Variants in GFPT2 observed in about 807,000 individuals in gnomAD.
The protein encoded by GFPT2 is glutamine--fructose-6-phosphate transaminase 2.
A neutral mutation model predicts 85.6 loss-of-function variants in GFPT2; 62 were observed. The observed-to-expected ratio is 0.72, with a 90% CI of 0.59 to 0.90. GFPT2 has a LOEUF of 0.90. GFPT2 is among the 40% of genes least tolerant of loss of function. GFPT2 has a pLI of 0.00. For missense variants in GFPT2, 788 were observed against 893.4 expected, an observed-to-expected ratio of 0.88 and a Z score of 1.50; for synonymous variants, 368 against 344.5, an observed-to-expected ratio of 1.07 and a Z score of -0.75.
intron 3 of GFPT2, 121 bp from the exon 4 acceptor site, chr5:180,336,074 G>T: frequency 1.1e-6 from 1 of 946,414 alleles, no homozygotes; most frequent in Non-Finnish European, 1.6e-6. Context: ...CTCCCCACCA[G>T]CTCCCACCCT....
chr5:180,316,485 A>G, intron 12 of GFPT2, 24 bp from the exon 13 acceptor site: 7 of 1,613,944 alleles, frequency 4.3e-6, no homozygotes, highest in Non-Finnish European at 5.1e-6. Flanking sequence ...GCAAGCATGG[A>G]GACTAAAGTC....
In GFPT2 at chr5:180,302,601, G is replaced by T; in HGVS notation, c.1843-17C>A. 6.3e-7 allele frequency: 1 copy of T among 1,599,906 alleles called. No individual in the cohort carries two copies. Among genetic ancestry groups the T allele is most frequent in the Non-Finnish European group, 8.6e-7 (1 of 1,169,026 alleles). On this transcript the variant is annotated splice_polypyrimidine_tract_variant and intron_variant, in intron 17 of 18. Coordinates refer to ENST00000253778, the MANE Select transcript of GFPT2 (RefSeq NM_005110.4). Reference sequence around the variant, plus strand: ...GGGGCGACCCTAGAGCAGAGAAATAGCATCATAAAATAGACCCTCTCTGAA... The same window carrying T: ...GGGGCGACCCTAGAGCAGAGAAATATCATCATAAAATAGACCCTCTCTGAA...
chr5:180,306,129 C>CGT (rs1208033241), intron 16 of GFPT2, among the ~76,000 whole-genome samples: 1 of 152,052 alleles, frequency 6.6e-6, no homozygotes, highest in Non-Finnish European at 1.5e-5. Context: ...GGATTACAGG[C>CGT]GTGCACCACC....
chr5:180,303,378 G>C (rs748098261), intron 17 of GFPT2, among the ~76,000 whole-genome samples: 13 of 152,234 alleles, frequency 8.5e-5, no homozygotes, highest in Admixed American at 5.2e-4. Context: ...ACAACCCTCG[G>C]CGGAGCATTC....
chr5:180,337,461 A>C (rs1415619347), intron 2 of GFPT2, among the ~76,000 whole-genome samples: 1 of 152,068 alleles, frequency 6.6e-6, no homozygotes, highest in South Asian at 2.1e-4. Flanking sequence ...TCGAAAAAAA[A>C]AAAAAAAGAA....
intron 4 of GFPT2, 124 bp downstream of exon 4, chr5:180,335,704 T>C (rs1764379424): frequency 2.9e-6 from 3 of 1,025,792 alleles, no homozygotes. Flanking sequence ...CGCATTCTCT[T>C]GGGAAGATGA....
chr5:180,338,645 C>T (rs887572158), intron 1 of GFPT2, 45 bp from the exon 2 acceptor site: 3 of 1,217,516 alleles, frequency 2.5e-6, no homozygotes, highest in African/African-American at 3.0e-5. Flanking sequence ...ATACTCAGCT[C>T]GTGTTTGGAA....
Position 180,330,558 on chromosome 5 carries a change from C to A in GFPT2, c.534+142G>T, listed in dbSNP as rs1764283726. 3.0e-6 allele frequency: 2 copies of A among 669,086 alleles called. No homozygotes were observed. Among genetic ancestry groups the A allele is most frequent in the Non-Finnish European group, 5.1e-6 (2 of 389,882 alleles). 41.4% of individuals were successfully genotyped at this position (669,086 alleles called of 1,614,324 possible). A position where few individuals can be genotyped will look rare whatever the true frequency, so the allele number is the denominator to read the frequency against. ...AGGCCAGGCTCTGCAGATGGGCTGTCTTTTATCCCCAGGACTCTGTGCAAG... is the reference window on the plus strand; with the variant it reads ...AGGCCAGGCTCTGCAGATGGGCTGTATTTTATCCCCAGGACTCTGTGCAAG... On this transcript the variant is annotated intron_variant, in intron 6 of 18. Transcript: ENST00000253778. The surrounding 1 kb of genome is among the most constrained non-coding windows in gnomAD (Gnocchi z 4.4).
rs3080055 is a variant in GFPT2, at chr5:180,310,832, CAAAAAAAAA to C, written c.1546+1589_1546+1597del. The stretch of plus-strand genomic sequence containing the variant: ...CTGCCTTTGCAAATGTGGACACAGG[CAAAAAAAAA>C]AAAAAAAAAAAAAAAAAAAAAAATT... On this transcript the variant is annotated intron_variant, in intron 15 of 18. Coordinates refer to ENST00000253778, the MANE Select transcript of GFPT2 (RefSeq NM_005110.4). 7.4e-3 allele frequency among the ~76,000 whole-genome samples: 377 copies of C among 50,608 alleles called. 3 individuals are homozygous for C. In the East Asian group the frequency reaches 0.075, roughly 10 times the overall value. The allele number at this position is 50,608 out of a possible 152,430, so 33.2% of individuals were successfully genotyped here.
chr5:180,320,548 A>G (rs991198422), intron 9 of GFPT2, among the ~76,000 whole-genome samples: 1 of 152,054 alleles, frequency 6.6e-6, no homozygotes, highest in Non-Finnish European at 1.5e-5. Flanking sequence ...CAAGGCGGGA[A>G]GATCACCTGA....
intron 1 of GFPT2, among the ~76,000 whole-genome samples, chr5:180,340,340 G>A (rs922272269): frequency 2.6e-5 from 4 of 151,908 alleles, no homozygotes; most frequent in African/African-American, 9.7e-5. Context: ...CCGAGTAGCT[G>A]GGATTACAGG....
At position 180,323,861 on chromosome 5, in the gene GFPT2, G is replaced by T. The variant is rs752021767; in HGVS notation, c.794+327C>A. Reference sequence around the variant, plus strand: ...ATGCCCCGATCTGCTAGTTCTTCCAGAGAAGCTAGAGATTTCAGATTTCTC... The same window carrying T: ...ATGCCCCGATCTGCTAGTTCTTCCATAGAAGCTAGAGATTTCAGATTTCTC... On this transcript the variant is annotated intron_variant, in intron 9 of 18. Coordinates refer to ENST00000253778, the MANE Select transcript of GFPT2 (RefSeq NM_005110.4). The surrounding 1 kb of genome is among the most constrained non-coding windows in gnomAD (Gnocchi z 4.0). 6.6e-6 allele frequency among the ~76,000 whole-genome samples: 1 copy of T among 152,214 alleles called. No individual in the cohort carries two copies. Among genetic ancestry groups the T allele is most frequent in the Non-Finnish European group, 1.5e-5 (1 of 68,040 alleles).
intron 17 of GFPT2, among the ~76,000 whole-genome samples, chr5:180,303,721 T>C (rs559592736): frequency 1.3e-5 from 2 of 152,302 alleles, no homozygotes; most frequent in East Asian, 3.9e-4. Context: ...GGGCAGCTGC[T>C]GTGTACAAAG....
intron 14 of GFPT2, among the ~76,000 whole-genome samples, chr5:180,313,435 C>T (rs1314608168): frequency 6.9e-6 from 1 of 145,952 alleles, no homozygotes; most frequent in East Asian, 2.2e-4. Flanking sequence ...ACTAAAAATA[C>T]AAAAAATGAG....
intron 8 of GFPT2, chr5:180,324,607 A>G (rs1356750474): frequency 5.1e-6 from 3 of 593,068 alleles, no homozygotes; most frequent in African/African-American, 3.7e-5. Context: ...CAAAATCATG[A>G]TAAATTCATG....
intron 8 of GFPT2, 48 bp downstream of exon 8, chr5:180,324,768 C>A (rs1167507346): frequency 4.8e-6 from 6 of 1,260,322 alleles, no homozygotes; most frequent in Non-Finnish European, 7.0e-6. Flanking sequence ...CTGCCGAGTC[C>A]TGCGACACCA....
intron 17 of GFPT2, 61 bp from the exon 18 acceptor site, chr5:180,302,645 A>C: frequency 7.6e-7 from 1 of 1,319,954 alleles, no homozygotes; most frequent in Admixed American, 1.8e-5. Flanking sequence ...TCCCTGATGC[A>C]TACAGAGTAT....
intron 4 of GFPT2, among the ~76,000 whole-genome samples, chr5:180,335,385 C>A (rs2127655135): frequency 6.6e-6 from 1 of 152,336 alleles, no homozygotes; most frequent in East Asian, 1.9e-4. Flanking sequence ...ACAGCCCCTG[C>A]CCTCACCTGG....
intron 14 of GFPT2, among the ~76,000 whole-genome samples, 196 bp from the exon 15 acceptor site, chr5:180,312,740 G>A (rs1358741322): frequency 1.3e-5 from 2 of 151,410 alleles, no homozygotes; most frequent in Admixed American, 6.6e-5. Context: ...CCACCACCCT[G>A]CCCAGTTAAT....
Sources: allele counts gnomAD v4.1 joint callset (sites outside exome capture counted in the v4.1 genomes callset), GRCh38; gene constraint gnomAD v4.1.1; non-coding constraint Gnocchi (gnomAD v3.1); transcripts MANE v1.5; gene names NCBI Gene and HGNC (gene_info 2026-07-23, HGNC 2026-07-21).